Variants in ATRN observed in about 807,000 individuals in gnomAD.
The protein encoded by ATRN is attractin.
Under a neutral mutation model 178.7 loss-of-function variants are expected in ATRN, and 54 were observed. That is an observed-to-expected ratio of 0.30 (90% CI 0.24 to 0.38). The LOEUF (loss-of-function observed/expected upper bound fraction) is 0.38. Among genes scored for constraint, ATRN ranks in the 10% least tolerant of loss-of-function variants. ATRN has a pLI of 1.00. For synonymous variants in ATRN, 636 were observed against 663.0 expected (o/e 0.96, Z 0.63); for missense variants, 1,443 against 1,815.1 (o/e 0.79, Z 3.73).
intron 6 of ATRN, among the ~76,000 whole-genome samples, chr20:3,554,933 C>T (rs914403820): frequency 5.3e-5 from 8 of 150,584 alleles, no homozygotes; most frequent in Non-Finnish European, 1.2e-4. Flanking sequence ...AAAGTAGCAT[C>T]ACCGAATCCA....
chr20:3,587,264 A>G (rs555062874), intron 18 of ATRN, among the ~76,000 whole-genome samples: 4 of 152,150 alleles, frequency 2.6e-5, no homozygotes, highest in African/African-American at 7.2e-5. Flanking sequence ...ATTTTATCCC[A>G]TGTGCTTTTT....
rs139085627 is a variant in ATRN at position 3,565,125 on chromosome 20, G to C, written c.1787-223G>C. The stretch of plus-strand genomic sequence containing the variant: ...AGTGATCCAGATGTCATGGATTTCG[G>C]GTGCGTTTGCTAGTTAGAATTGTGG... On this transcript the variant is annotated intron_variant, in intron 10 of 28. Transcript: ENST00000262919. Among the ~76,000 whole-genome samples, 397 of 152,162 alleles carry C rather than the reference G, an allele frequency of 2.6e-3. 1 individual carries two copies. Among genetic ancestry groups the C allele is most frequent in the African/African-American group, 8.0e-3 (330 of 41,502 alleles).
At chr20:3,592,401 A>G in intron 19 of ATRN, 2 of 636,974 alleles carry the variant, frequency 3.1e-6, no homozygotes, top group Middle Eastern at 8.2e-4. Flanking sequence ...CTCAGTCTCA[A>G]AAAAAAAAAA....
intron 1 of ATRN, among the ~76,000 whole-genome samples, chr20:3,476,826 C>T (rs1275589081): frequency 1.3e-5 from 2 of 152,232 alleles, no homozygotes; most frequent in Admixed American, 6.5e-5. Context: ...TGCCATTGCA[C>T]TCCAGCCTGG....
intron 24 of ATRN, among the ~76,000 whole-genome samples, chr20:3,624,007 G>C (rs1462103127): frequency 1.3e-5 from 2 of 152,196 alleles, no homozygotes; most frequent in Non-Finnish European, 2.9e-5. Flanking sequence ...TGATGACGTA[G>C]TGTCAGATGA....
rs1427343056 is a variant in ATRN at position 3,498,830 on chromosome 20, C to A, written c.410+27313C>A. On this transcript the variant is annotated intron_variant, in intron 1 of 28. Coordinates refer to ENST00000262919, the MANE Select transcript of ATRN (RefSeq NM_139321.3). ...TCAACATAGTGTTGGAAGTTCTGGCCAGGGCAATTAGGCAGGAGAAGGAAA... is the reference window on the plus strand; with the variant it reads ...TCAACATAGTGTTGGAAGTTCTGGCAAGGGCAATTAGGCAGGAGAAGGAAA... Among the ~76,000 whole-genome samples, 5 of 143,212 alleles carry A rather than the reference C, an allele frequency of 3.5e-5. No individual in the cohort carries two copies. In the East Asian group the frequency reaches 5.9e-4, roughly 17 times the overall value. 94.0% of individuals were successfully genotyped at this position (143,212 alleles called of 152,430 possible).
chr20:3,585,209 A>G (rs1365818436), intron 18 of ATRN, among the ~76,000 whole-genome samples: 1 of 152,214 alleles, frequency 6.6e-6, no homozygotes, highest in African/African-American at 2.4e-5. Flanking sequence ...TTAGCAGTCA[A>G]GAACTTCTCT....
At position 3,645,311 on chromosome 20, in the gene ATRN, T is replaced by C. The variant is rs2087099039; in HGVS notation, c.4165+1043T>C. 6.6e-6 allele frequency among the ~76,000 whole-genome samples: 1 copy of C among 152,234 alleles called. No homozygotes were observed. The highest frequency in any genetic ancestry group is 1.5e-5 in the Non-Finnish European group (1 of 68,038). ...TTTAGAATGGTTAGGATCTATAGTA[T>C]CTTCACGAGGGAGGCCTTTCGACAT... On this transcript the variant is annotated intron_variant, in intron 28 of 28. Coordinates refer to ENST00000262919, the MANE Select transcript of ATRN (RefSeq NM_139321.3). The surrounding 1 kb of genome is among the most constrained non-coding windows in gnomAD (Gnocchi z 4.7).
chr20:3,610,257 A>T (rs1170790924), intron 24 of ATRN, among the ~76,000 whole-genome samples: 1 of 152,222 alleles, frequency 6.6e-6, no homozygotes, highest in African/African-American at 2.4e-5. Flanking sequence ...AGAAGAATAA[A>T]ATGGGAAGAA....
At chr20:3,534,720 G>A (rs968759076) in intron 1 of ATRN, among the ~76,000 whole-genome samples, 1 of 152,184 alleles carries the variant, frequency 6.6e-6, no homozygotes, top group African/African-American at 2.4e-5. Context: ...TGTAAACCCA[G>A]CATTTTGGGA....
intron 4 of ATRN, 140 bp downstream of exon 4, chr20:3,546,030 C>A: frequency 1.0e-6 from 1 of 969,620 alleles, no homozygotes. Context: ...TAAAATTCTT[C>A]CATAAATTCA....
At chr20:3,483,880 A>G (rs1458813677) in intron 1 of ATRN, among the ~76,000 whole-genome samples, 1 of 152,176 alleles carries the variant, frequency 6.6e-6, no homozygotes. Flanking sequence ...ATTCCCCATT[A>G]TACAGTATTA....
chr20:3,618,665 G>A (rs1261672100), intron 24 of ATRN, among the ~76,000 whole-genome samples: 2 of 152,208 alleles, frequency 1.3e-5, no homozygotes, highest in Non-Finnish European at 2.9e-5. Context: ...GGAATGAGTG[G>A]CTGAATGGCA....
chr20:3,604,060 C>T (rs1209097012), intron 23 of ATRN, 45 bp from the exon 24 acceptor site: 1 of 1,515,598 alleles, frequency 6.6e-7, no homozygotes, highest in Admixed American at 2.3e-5. Context: ...CTCCCCCTAG[C>T]CCCCCAAAAA....
At chr20:3,488,022 A>G (rs2084720549) in intron 1 of ATRN, among the ~76,000 whole-genome samples, 1 of 152,120 alleles carries the variant, frequency 6.6e-6, no homozygotes, top group African/African-American at 2.4e-5. Context: ...TTTATAGAAG[A>G]TGATATGCTC....
intron 4 of ATRN, among the ~76,000 whole-genome samples, chr20:3,546,254 T>A (rs917896228): frequency 3.9e-5 from 6 of 152,200 alleles, no homozygotes; most frequent in African/African-American, 1.4e-4. Flanking sequence ...TGTCATGTAC[T>A]CGATAGTAGA....
intron 1 of ATRN, among the ~76,000 whole-genome samples, chr20:3,473,240 G>GC: frequency 1.3e-5 from 2 of 152,144 alleles, no homozygotes; most frequent in Non-Finnish European, 2.9e-5. Context: ...TTTGTTTAAG[G>GC]CTGTGGAGGT....
chr20:3,591,197 C>G lies in ATRN; in HGVS notation c.3213C>G (p.Cys1071Trp). 1 of 1,614,122 alleles carries G rather than the reference C, an allele frequency of 6.2e-7. No homozygotes were observed. The highest frequency in any genetic ancestry group is 8.5e-7 in the Non-Finnish European group (1 of 1,179,974). ...GCCAATGCAACGGCCACAGTAAATG[C>G]ATCAATCAGAGCATCTGTGAGAAGT... ...PACQCNGHSK[C>W]INQSICEKCE... Residue 1071 changes from cysteine (C) to tryptophan (W), a missense_variant, in exon 19 of 29, where the codon TGC becomes TGG. Around this residue, in one of 4 missense-constraint regions of ATRN, gnomAD observed 80 missense variants for 71.5 expected, o/e 1.12. Coordinates refer to ENST00000262919, the MANE Select transcript of ATRN (RefSeq NM_139321.3).
At chr20:3,484,536 GT>G (rs1361067946) in intron 1 of ATRN, among the ~76,000 whole-genome samples, 2 of 152,110 alleles carry the variant, frequency 1.3e-5, no homozygotes, top group Non-Finnish European at 2.9e-5. Flanking sequence ...TTATAGAACA[GT>G]TTTGCCCCTG....
Sources: gnomAD v4.1 joint callset for allele counts (sites outside exome capture counted in the v4.1 genomes callset) on GRCh38, gnomAD v4.1.1 for gene constraint, gnomAD v4.1.1 regional missense constraint, Gnocchi (gnomAD v3.1) non-coding constraint, MANE v1.5 for transcripts, NCBI Gene and HGNC (gene_info 2026-07-23, HGNC 2026-07-21) for gene names.